Variants in PLCXD3 observed in about 807,000 individuals in gnomAD.
PLCXD3 encodes the protein phosphatidylinositol specific phospholipase C X domain containing 3.
In PLCXD3, 19 loss-of-function variants were observed where a neutral mutation model predicts 25.5. The observed-to-expected ratio is 0.75, with a 90% confidence interval of 0.52 to 1.09. PLCXD3 has a LOEUF of 1.09. PLCXD3 is among the 50% of genes least tolerant of loss of function. The pLI, the probability that PLCXD3 is intolerant of heterozygous loss-of-function variation, is 0.00. For synonymous variants in PLCXD3, 174 were observed against 137.6 expected (o/e 1.26, Z -1.85); for missense variants, 411 against 388.1 (o/e 1.06, Z -0.50).
At chr5:41,357,643 C>T (rs754958262) in intron 2 of PLCXD3, among the ~76,000 whole-genome samples, 38 of 152,190 alleles carry the variant, frequency 2.5e-4, no homozygotes, top group Non-Finnish European at 4.3e-4. Context: ...AGGCCCACTG[C>T]AGAATTTACA....
chr5:41,470,433 A>T lies in PLCXD3; in HGVS notation c.103+39991T>A, dbSNP rs976499701. ...GTATCATGGAAGATGCAATGAGGAG[A>T]CAAGGTGGAAATTAGTAGAGCATCA... is the stretch of plus-strand genomic sequence containing the variant. On this transcript the variant is annotated intron_variant, in intron 1 of 2. Coordinates refer to ENST00000377801, the MANE Select transcript of PLCXD3 (RefSeq NM_001005473.3). 2.0e-5 allele frequency among the ~76,000 whole-genome samples: 3 copies of T among 152,286 alleles called. No homozygotes were observed. In the South Asian group the frequency reaches 6.2e-4, roughly 32 times the overall value.
At chr5:41,330,861 T>C (rs1317393808) in intron 2 of PLCXD3, among the ~76,000 whole-genome samples, 4 of 152,164 alleles carry the variant, frequency 2.6e-5, no homozygotes, top group Non-Finnish European at 5.9e-5. Context: ...ATTATCTCAA[T>C]AGATGCAGAA....
Position 41,310,816 on chromosome 5 carries a change from A to G in PLCXD3, c.*2801T>C, listed in dbSNP as rs1160517829. 1 of 152,606 alleles carries G rather than the reference A, an allele frequency of 6.6e-6. No homozygotes were observed. The highest frequency in any genetic ancestry group is 1.5e-5 in the Non-Finnish European group (1 of 68,032). The allele number at this position is 152,606 out of a possible 1,614,324, so 9.5% of individuals were successfully genotyped here. A position where few individuals can be genotyped will look rare whatever the true frequency, so the allele number is the denominator to read the frequency against. On this transcript the variant is annotated 3_prime_UTR_variant, in exon 3 of 3. Transcript: ENST00000377801. ...TACTCTAAGTGCCTGCTACATAGGC[A>G]CTGTATGTCCACATGGAAACCATAG... is the stretch of plus-strand genomic sequence containing the variant.
chr5:41,492,260 G>C (rs1236161191), intron 1 of PLCXD3, among the ~76,000 whole-genome samples: 1 of 152,026 alleles, frequency 6.6e-6, no homozygotes, highest in Non-Finnish European at 1.5e-5. Context: ...TTGAATATTG[G>C]CCCCCACTCT....
At chr5:41,488,808 C>T (rs1361955759) in intron 1 of PLCXD3, among the ~76,000 whole-genome samples, 1 of 147,864 alleles carries the variant, frequency 6.8e-6, no homozygotes, top group African/African-American at 2.5e-5. Flanking sequence ...TGTTTGAGTT[C>T]ATTGTAGATT....
chr5:41,460,249 G>A (rs1561279881), intron 1 of PLCXD3, among the ~76,000 whole-genome samples: 1 of 151,874 alleles, frequency 6.6e-6, no homozygotes, highest in Non-Finnish European at 1.5e-5. Context: ...TGACTATGCT[G>A]TTAATTCTCA....
Position 41,505,162 on chromosome 5 carries a change from C to A in PLCXD3, c.103+5262G>T, listed in dbSNP as rs141165905. Among the ~76,000 whole-genome samples the A allele has an allele frequency of 1.1e-3, 161 of 152,140 alleles. 5 individuals carry two copies. The highest frequency in any genetic ancestry group is 3.8e-3 in the African/African-American group (157 of 41,494). On this transcript the variant is annotated intron_variant, in intron 1 of 2. Transcript: ENST00000377801. ...TTTTTACACGAGTAAAGCTTATGGG[C>A]CTTAACGTATGAACATTGTGGTATC...
At chr5:41,380,766 A>G (rs1354698661) in intron 2 of PLCXD3, among the ~76,000 whole-genome samples, 2 of 152,174 alleles carry the variant, frequency 1.3e-5, no homozygotes, top group African/African-American at 4.8e-5. Context: ...AAAGATAAAA[A>G]TAAGAGATCT....
chr5:41,323,088 G>A (rs938063946), intron 2 of PLCXD3, among the ~76,000 whole-genome samples: 1 of 152,098 alleles, frequency 6.6e-6, no homozygotes, highest in African/African-American at 2.4e-5. Context: ...TGGAACTGGA[G>A]ATCATTATGT....
intron 2 of PLCXD3, among the ~76,000 whole-genome samples, chr5:41,351,893 T>C (rs1165047622): frequency 2.6e-5 from 4 of 152,218 alleles, no homozygotes; most frequent in Non-Finnish European, 5.9e-5. Flanking sequence ...TCTTCATTTT[T>C]CTGTTTTGAA....
chr5:41,310,759 T>C lies in PLCXD3; in HGVS notation c.*2858A>G, dbSNP rs1239095871. The C allele has an allele frequency of 6.6e-6, 1 of 152,572 alleles. No individual in the cohort carries two copies. The highest frequency in any genetic ancestry group is 1.5e-5 in the Non-Finnish European group (1 of 68,022). 9.5% of individuals were successfully genotyped at this position (152,572 alleles called of 1,614,324 possible). A position where few individuals can be genotyped will look rare whatever the true frequency, so the allele number is the denominator to read the frequency against. ...AGGACCCATGGTTCCCTTCTACCTCTTCCCTCCTTTATAAATTAAGGCAAG... is the reference window on the plus strand; with the variant it reads ...AGGACCCATGGTTCCCTTCTACCTCCTCCCTCCTTTATAAATTAAGGCAAG... On this transcript the variant is annotated 3_prime_UTR_variant, in exon 3 of 3. Transcript: ENST00000377801.
rs547917323 is a variant in PLCXD3 at position 41,379,036 on chromosome 5, G to A, written c.812+2790C>T. 3.9e-5 allele frequency among the ~76,000 whole-genome samples: 6 copies of A among 152,238 alleles called. No homozygotes were observed. The East Asian group carries it at 1.2e-3, about 29-fold the overall frequency. The stretch of plus-strand genomic sequence containing the variant: ...AAGCAAGCATTTAATACAAGCAAGT[G>A]TTTTGCTAAGCATAGAACTATGCTG... On this transcript the variant is annotated intron_variant, in intron 2 of 2. Coordinates refer to ENST00000377801, the MANE Select transcript of PLCXD3 (RefSeq NM_001005473.3).
intron 2 of PLCXD3, among the ~76,000 whole-genome samples, chr5:41,338,369 A>T (rs1351141196): frequency 6.6e-6 from 1 of 152,122 alleles, no homozygotes; most frequent in East Asian, 1.9e-4. Flanking sequence ...TTAAGGATTT[A>T]TTTCCCTTTT....
rs1318131259 is a variant in PLCXD3 at position 41,431,365 on chromosome 5, C to A, written c.104-48831G>T. On this transcript the variant is annotated intron_variant, in intron 1 of 2. Transcript: ENST00000377801. Reference sequence around the variant, plus strand: ...AGGGTTTGCAAAGTTAAAAGACACACTAAGTATACAAAATTTTTGATATTT... The same window carrying A: ...AGGGTTTGCAAAGTTAAAAGACACAATAAGTATACAAAATTTTTGATATTT... Among the ~76,000 whole-genome samples, 3 of 152,184 alleles carry A rather than the reference C, an allele frequency of 2.0e-5. No individual in the cohort carries two copies. In the East Asian group the frequency reaches 5.8e-4, roughly 29 times the overall value.
At chr5:41,323,241 G>C (rs988464220) in intron 2 of PLCXD3, among the ~76,000 whole-genome samples, 20 of 152,172 alleles carry the variant, frequency 1.3e-4, no homozygotes, top group African/African-American at 4.8e-4. Flanking sequence ...GAGAGCTATG[G>C]ATGAGGTGGG....
intron 2 of PLCXD3, among the ~76,000 whole-genome samples, chr5:41,355,506 A>T (rs1393160556): frequency 4.6e-5 from 7 of 152,108 alleles, no homozygotes; most frequent in African/African-American, 1.7e-4. Flanking sequence ...CTTTTCATGA[A>T]CTCAGTCAGC....
At chr5:41,367,555 G>A (rs932066332) in intron 2 of PLCXD3, among the ~76,000 whole-genome samples, 2 of 152,026 alleles carry the variant, frequency 1.3e-5, no homozygotes, top group Non-Finnish European at 2.9e-5. Context: ...TTGTCAGAAG[G>A]ATAGATTGCA....
intron 1 of PLCXD3, among the ~76,000 whole-genome samples, chr5:41,410,349 T>A (rs932448031): frequency 1.3e-5 from 2 of 152,034 alleles, no homozygotes; most frequent in Non-Finnish European, 2.9e-5. Flanking sequence ...TTCACCATGT[T>A]GGCCGGTATG....
At chr5:41,459,409 A>G (rs1423677404) in intron 1 of PLCXD3, among the ~76,000 whole-genome samples, 1 of 151,862 alleles carries the variant, frequency 6.6e-6, no homozygotes, top group Non-Finnish European at 1.5e-5. Flanking sequence ...GAGGTGAAAA[A>G]TCAATCAAGA....
Sources: allele counts gnomAD v4.1 joint callset (sites outside exome capture counted in the v4.1 genomes callset), GRCh38; gene constraint gnomAD v4.1.1; transcripts MANE v1.5; gene names NCBI Gene and HGNC (gene_info 2026-07-23, HGNC 2026-07-21).